Variants in HEBP1 observed in about 807,000 individuals in gnomAD.
The protein encoded by HEBP1 is heme binding protein 1, also known as heme-binding protein 1.
In HEBP1, 13 loss-of-function variants were observed where a neutral mutation model predicts 20.4. The observed-to-expected ratio is 0.64, with a 90% CI of 0.42 to 1.01. HEBP1 has a LOEUF of 1.01. HEBP1 is among the 50% of genes least tolerant of loss of function. The probability of loss-of-function intolerance (pLI) is 0.00; values close to 1 mark genes in which losing one functional copy is unlikely to be tolerated. For missense variants in HEBP1, 241 were observed against 247.3 expected, an observed-to-expected ratio of 0.97 and a Z score of 0.17; for synonymous variants, 92 against 90.7, an observed-to-expected ratio of 1.01 and a Z score of -0.08.
At chr12:12,987,632 CTCTT>C (rs1555114945) in intron 2 of HEBP1, among the ~76,000 whole-genome samples, 9 of 151,292 alleles carry the variant, frequency 5.9e-5, no homozygotes, top group South Asian at 2.1e-4. Context: ...CTCTCTCTCT[CTCTT>C]TCTTTCTTTC....
chr12:12,978,228 T>G (rs913331784), intron 3 of HEBP1, among the ~76,000 whole-genome samples: 7 of 105,150 alleles, frequency 6.7e-5, no homozygotes, highest in South Asian at 7.1e-4. Flanking sequence ...TTTTTTTTTT[T>G]GAGACAGAGT....
chr12:12,999,954 C>T (rs1281647942), intron 1 of HEBP1, 83 bp downstream of exon 1: 3 of 869,424 alleles, frequency 3.5e-6, no homozygotes, highest in Non-Finnish European at 5.5e-6. Flanking sequence ...CCCCACCTGC[C>T]CCTCAGCACC....
Position 12,989,314 on chromosome 12 carries a change from G to T in HEBP1, c.180C>A (p.Pro60=). The change falls in exon 2 of 4, where the codon CCC becomes CCA. Residue 60 remains proline (P), a synonymous_variant. Coordinates refer to ENST00000014930, the MANE Select transcript of HEBP1 (RefSeq NM_015987.5). ...PVDEALREAM[P]KVAKYAGGTN... ...TGCCCCCCGCATACTTTGCGACCTTGGGCATTGCTTCCCGTAGAGCCTCAT... is the reference window on the plus strand; with the variant it reads ...TGCCCCCCGCATACTTTGCGACCTTTGGCATTGCTTCCCGTAGAGCCTCAT... 6.2e-7 allele frequency: 1 copy of T among 1,614,172 alleles called. No individual in the cohort carries two copies. The highest frequency in any genetic ancestry group is 8.5e-7 in the Non-Finnish European group (1 of 1,180,026).
rs1343005022 is a variant in HEBP1, at chr12:12,975,495, C to T, written c.399-16G>A. 1.9e-6 allele frequency: 3 copies of T among 1,593,346 alleles called. No homozygotes were observed. The highest frequency in any genetic ancestry group is 2.6e-6 in the Non-Finnish European group (3 of 1,173,316). ...ACCAAACTGCCTGGGGGTTCAAGAGCAAGGGCTGGTTACGAAAGGACATGA... is the reference window on the plus strand; with the variant it reads ...ACCAAACTGCCTGGGGGTTCAAGAGTAAGGGCTGGTTACGAAAGGACATGA... On this transcript the variant is annotated splice_polypyrimidine_tract_variant and intron_variant, in intron 3 of 3. Coordinates refer to ENST00000014930, the MANE Select transcript of HEBP1 (RefSeq NM_015987.5).
At chr12:12,984,297 G>T (rs2136542817) in intron 3 of HEBP1, 1 of 154,104 alleles carries the variant, frequency 6.5e-6, no homozygotes, top group East Asian at 1.9e-4. Flanking sequence ...TCGTTTTATG[G>T]CCTCTAATGG....
intron 3 of HEBP1, among the ~76,000 whole-genome samples, chr12:12,981,323 G>A (rs541476161): frequency 1.3e-5 from 2 of 152,282 alleles, no homozygotes; most frequent in Admixed American, 1.3e-4. Context: ...CCTCCTGGGA[G>A]CTGGAAATAT....
At chr12:12,994,877 G>A (rs1022891190) in intron 1 of HEBP1, among the ~76,000 whole-genome samples, 1 of 152,126 alleles carries the variant, frequency 6.6e-6, no homozygotes, top group African/African-American at 2.4e-5. Flanking sequence ...GGTTGGGATT[G>A]TCCAGAGAGC....
chr12:12,991,971 A>C (rs1315465989), intron 1 of HEBP1, among the ~76,000 whole-genome samples: 2 of 152,376 alleles, frequency 1.3e-5, no homozygotes, highest in East Asian at 3.9e-4. Flanking sequence ...GAAGTGCAAC[A>C]GATATTTATT....
chr12:12,992,675 C>G (rs1047931583), intron 1 of HEBP1, among the ~76,000 whole-genome samples: 11 of 152,194 alleles, frequency 7.2e-5, no homozygotes, highest in Non-Finnish European at 1.6e-4. Flanking sequence ...TCTGGTGAAT[C>G]TGACACTTCC....
Position 12,989,417 on chromosome 12 carries a change from T to TAG in HEBP1, c.79-4_79-3dup, listed in dbSNP as rs774800633. 6.2e-7 allele frequency: 1 copy of TAG among 1,613,986 alleles called. No individual in the cohort carries two copies. The highest frequency in any genetic ancestry group is 1.1e-5 in the South Asian group (1 of 91,078). ...CCTTTCTTCATAGGCAACTTCTTCC[T>TAG]AGAGAGAGAGAAGGTACAGTGTTTA... On this transcript the variant is annotated splice_region_variant and splice_polypyrimidine_tract_variant and intron_variant, in intron 1 of 3. Coordinates refer to ENST00000014930, the MANE Select transcript of HEBP1 (RefSeq NM_015987.5).
chr12:12,984,502 G>A (rs1864128431), intron 3 of HEBP1: 2 of 152,242 alleles, frequency 1.3e-5, no homozygotes, highest in Admixed American at 1.3e-4. Flanking sequence ...TCAGAGGGAT[G>A]TGGTAAAATG....
intron 3 of HEBP1, among the ~76,000 whole-genome samples, chr12:12,984,962 C>T (rs1293083244): frequency 6.6e-6 from 1 of 152,010 alleles, no homozygotes. Flanking sequence ...CCAGCCTGGC[C>T]AAGATGGTGA....
chr12:12,981,378 C>T (rs141294790), intron 3 of HEBP1, among the ~76,000 whole-genome samples: 21 of 152,214 alleles, frequency 1.4e-4, no homozygotes, highest in East Asian at 7.7e-4. Context: ...CGTGTTGACC[C>T]GGGCATCATC....
At chr12:12,987,590 TTCTCTCTCTCTCTCTCTCTCTTTC>T (rs1362947248) in intron 2 of HEBP1, among the ~76,000 whole-genome samples, 6 of 133,212 alleles carry the variant, frequency 4.5e-5, no homozygotes. Context: ...ATCAGTCTCT[TTCTCTCTCTCTCTCTCTCTCTTTC>T]TCTCTCTCTC....
chr12:12,989,220 T>A, intron 2 of HEBP1, 57 bp downstream of exon 2: 1 of 1,592,116 alleles, frequency 6.3e-7, no homozygotes, highest in South Asian at 1.1e-5. Context: ...ACTGATGAAG[T>A]GAGACCTTGC....
chr12:12,991,540 C>T (rs1864226174), intron 1 of HEBP1, among the ~76,000 whole-genome samples: 1 of 152,180 alleles, frequency 6.6e-6, no homozygotes, highest in African/African-American at 2.4e-5. Context: ...TATGGACCCC[C>T]ACAGCTCTCC....
chr12:12,995,000 T>C (rs1864273635), intron 1 of HEBP1, among the ~76,000 whole-genome samples: 1 of 152,206 alleles, frequency 6.6e-6, no homozygotes, highest in Non-Finnish European at 1.5e-5. Context: ...ACTGAGCTTC[T>C]ACCTACGTTG....
At position 12,975,260 on chromosome 12, in the gene HEBP1, G is replaced by A; in HGVS notation, c.*48C>T. 1.9e-6 allele frequency: 3 copies of A among 1,582,650 alleles called. No homozygotes were observed. The highest frequency in any genetic ancestry group is 2.6e-6 in the Non-Finnish European group (3 of 1,156,356). ...CTGTCCCCTCCTTACCCCCGAGGAA[G>A]GAGACACAGAGGCACACTTCCAGTA... On this transcript the variant is annotated 3_prime_UTR_variant, in exon 4 of 4. Transcript: ENST00000014930.
At chr12:12,987,368 A>G in intron 2 of HEBP1, 36 bp from the exon 3 acceptor site, 2 of 1,575,886 alleles carry the variant, frequency 1.3e-6, no homozygotes, top group South Asian at 1.1e-5. Flanking sequence ...GGCAGGGATC[A>G]GAGACAGAGC....
Sources: allele counts gnomAD v4.1 joint callset (sites outside exome capture counted in the v4.1 genomes callset), GRCh38; gene constraint gnomAD v4.1.1; transcripts MANE v1.5; gene names NCBI Gene and HGNC (gene_info 2026-07-23, HGNC 2026-07-21).